Variants in RIC8B observed in about 807,000 individuals in gnomAD.
The protein encoded by RIC8B is RIC8 guanine nucleotide exchange factor B, also known as chaperone Ric-8B.
A neutral mutation model predicts 57.5 loss-of-function variants in RIC8B; 16 were observed. That is an observed-to-expected ratio of 0.28 (90% CI 0.19 to 0.42). RIC8B has a LOEUF of 0.42. Ranked by LOEUF, RIC8B falls within the 10% of genes least tolerant of loss-of-function variation. The probability of loss-of-function intolerance (pLI) is 1.00; values close to 1 mark genes in which losing one functional copy is unlikely to be tolerated. For synonymous variants in RIC8B, 216 were observed against 250.8 expected (o/e 0.86, Z 1.31); for missense variants, 481 against 677.0 (o/e 0.71, Z 3.21).
In RIC8B at chr12:106,832,069, G is replaced by C. The variant is rs577717827; in HGVS notation, c.836+6249G>C. ...GAATCCTTTTCCCAGATCTTTAAGA[G>C]GCTGAGTCCTTCTTGACACTGAGAA... On this transcript the variant is annotated intron_variant, in intron 4 of 9. Transcript: ENST00000392837. 4.1e-4 allele frequency among the ~76,000 whole-genome samples: 63 copies of C among 152,132 alleles called. 1 individual carries two copies. The highest frequency in any genetic ancestry group is 3.2e-4 in the Non-Finnish European group (22 of 68,016).
At chr12:106,846,192 C>T (rs975258373) in intron 6 of RIC8B, among the ~76,000 whole-genome samples, 3 of 152,198 alleles carry the variant, frequency 2.0e-5, no homozygotes, top group Non-Finnish European at 2.9e-5. Flanking sequence ...TCATCTCCTC[C>T]TCTTGGATGT....
chr12:106,781,839 T>C (rs1246529700), intron 1 of RIC8B, among the ~76,000 whole-genome samples: 1 of 152,172 alleles, frequency 6.6e-6, no homozygotes, highest in Non-Finnish European at 1.5e-5. Flanking sequence ...AAAAATAGGC[T>C]TTCTTGGTTT....
chr12:106,870,015 G>T (rs916064066), intron 8 of RIC8B, among the ~76,000 whole-genome samples: 4 of 150,022 alleles, frequency 2.7e-5, no homozygotes, highest in African/African-American at 9.8e-5. Context: ...TGCTTCTCCA[G>T]AAAAATGTTT....
intron 2 of RIC8B, among the ~76,000 whole-genome samples, chr12:106,794,356 G>A (rs2044382389): frequency 1.3e-5 from 2 of 152,126 alleles, no homozygotes; most frequent in South Asian, 4.1e-4. Context: ...GGGAATACCA[G>A]AAGGAGAGGA....
chr12:106,819,332 G>A (rs2045731461), intron 3 of RIC8B, among the ~76,000 whole-genome samples: 1 of 152,080 alleles, frequency 6.6e-6, no homozygotes, highest in African/African-American at 2.4e-5. Context: ...TTAAATATAG[G>A]TTGTAATTAA....
At chr12:106,885,645 C>T (rs1407755053) in intron 9 of RIC8B, among the ~76,000 whole-genome samples, 1 of 151,632 alleles carries the variant, frequency 6.6e-6, no homozygotes, top group African/African-American at 2.4e-5. Flanking sequence ...CCCATTTAGA[C>T]CTTGACTTTT....
intron 3 of RIC8B, among the ~76,000 whole-genome samples, chr12:106,815,972 C>T (rs1455263873): frequency 6.6e-6 from 1 of 152,058 alleles, no homozygotes; most frequent in Non-Finnish European, 1.5e-5. Flanking sequence ...CTTCAGCAAC[C>T]CAAAGTGACG....
In RIC8B at chr12:106,867,588, C is replaced by T. The variant is rs1419412887; in HGVS notation, c.1452-3235C>T. Among the ~76,000 whole-genome samples the T allele has an allele frequency of 6.6e-6, 1 of 152,136 alleles. No individual in the cohort carries two copies. Among genetic ancestry groups the T allele is most frequent in the Admixed American group, 6.6e-5 (1 of 15,262 alleles). ...GGTTGAAAGGTGTCAGGTATTTGTT[C>T]CACCAAAAGTAATCTATTTTATGAA... On this transcript the variant is annotated intron_variant, in intron 8 of 9. Coordinates refer to ENST00000392837, the MANE Select transcript of RIC8B (RefSeq NM_001330145.2). This position sits in a 1 kb window ranked among gnomAD's most constrained non-coding sequence, Gnocchi z 4.3.
chr12:106,774,921 G>T, intron 1 of RIC8B, 92 bp downstream of exon 1: 1 of 955,110 alleles, frequency 1.0e-6, no homozygotes, highest in Non-Finnish European at 1.6e-6. Flanking sequence ...CCCTCATTCC[G>T]GGGATGCGCA....
intron 2 of RIC8B, among the ~76,000 whole-genome samples, chr12:106,810,461 C>T (rs139842075): frequency 1.4e-3 from 216 of 152,258 alleles, no homozygotes; most frequent in African/African-American, 4.9e-3. Context: ...AGAAAACTGA[C>T]AGGACGGATG....
rs1323007186 is a variant in RIC8B, at chr12:106,885,992, G to A, written c.1660G>A (p.Glu554Lys). ...EALNQYSVIE[E>K]TSSDTD is the part of the protein sequence containing the mutation. ...ACTCAACCAGTACTCTGTCATCGAA[G>A]AGACCAGCTCTGACACAGACTAAAA... The change falls in exon 10 of 10, where the codon GAG becomes AAG. Residue 554 changes from glutamate (E) to lysine (K), a missense_variant. By Grantham distance (56) the Glu-to-Lys change is moderately conservative. Coordinates refer to ENST00000392837, the MANE Select transcript of RIC8B (RefSeq NM_001330145.2). The A allele has an allele frequency of 4.3e-6, 7 of 1,613,160 alleles. 1 individual carries two copies. Among genetic ancestry groups the A allele is most frequent in the African/African-American group, 1.3e-5 (1 of 74,862 alleles).
intron 2 of RIC8B, among the ~76,000 whole-genome samples, chr12:106,792,178 T>A (rs1261838613): frequency 6.6e-6 from 1 of 152,244 alleles, no homozygotes; most frequent in Non-Finnish European, 1.5e-5. Flanking sequence ...AGCTGGAATC[T>A]GACACAAGAC....
At chr12:106,855,185 T>G (rs1041743591) in intron 7 of RIC8B, among the ~76,000 whole-genome samples, 2 of 152,194 alleles carry the variant, frequency 1.3e-5, no homozygotes, top group Non-Finnish European at 2.9e-5. Flanking sequence ...TGAACTCCCT[T>G]AGCACATAGC....
chr12:106,807,998 T>A (rs781291113), intron 2 of RIC8B, among the ~76,000 whole-genome samples: 28 of 150,110 alleles, frequency 1.9e-4, no homozygotes, highest in Non-Finnish European at 2.8e-4. Context: ...GGCAGGAGAA[T>A]CGCTTGAACC....
At chr12:106,880,076 A>G in intron 9 of RIC8B, 1 of 418,480 alleles carries the variant, frequency 2.4e-6, no homozygotes, top group Non-Finnish European at 3.2e-6. Flanking sequence ...TAGGACCTTC[A>G]TAATTTAGGA....
rs71072695 is a variant in RIC8B at position 106,834,983 on chromosome 12, C to CAAAAA, written c.837-7584_837-7580dup. ...TGGGCGACAGAGCGAGACTCTGTCT[C>CAAAAA]AAAAAAAAAAAAAAAAAAAAAAAAA... On this transcript the variant is annotated intron_variant, in intron 4 of 9. Transcript: ENST00000392837. Among the ~76,000 whole-genome samples, 33 of 31,304 alleles carry CAAAAA rather than the reference C, an allele frequency of 1.1e-3. 2 individuals are homozygous for CAAAAA. Among genetic ancestry groups the CAAAAA allele is most frequent in the East Asian group, 5.2e-3 (5 of 960 alleles). 20.5% of individuals were successfully genotyped at this position (31,304 alleles called of 152,430 possible).
At chr12:106,872,090 A>G (rs1295462993) in intron 9 of RIC8B, among the ~76,000 whole-genome samples, 3 of 152,192 alleles carry the variant, frequency 2.0e-5, no homozygotes, top group Non-Finnish European at 2.9e-5. Flanking sequence ...TTAAATTTTC[A>G]TCCTTTCTCA....
chr12:106,796,529 G>T (rs1055155328), intron 2 of RIC8B, among the ~76,000 whole-genome samples: 20 of 152,318 alleles, frequency 1.3e-4, no homozygotes, highest in African/African-American at 4.6e-4. Flanking sequence ...ACCTCTTGCT[G>T]TATACAAAAA....
chr12:106,825,750 A>G lies in RIC8B; in HGVS notation c.766A>G (p.Met256Val). ...GAGTGATTCTCATCAGTTCCGTGTA[A>G]TGGCAGCTGTCCTTCGTCATTGTTT... is the stretch of plus-strand genomic sequence containing the variant. ...KESDSHQFRV[M>V]AAVLRHCLLI... The change falls in exon 4 of 10, where the codon ATG becomes GTG. Residue 256 changes from methionine to valine, a missense_variant. Met to Val is a conservative substitution (Grantham distance 21). Coordinates refer to ENST00000392837, the MANE Select transcript of RIC8B (RefSeq NM_001330145.2). 6.2e-7 allele frequency: 1 copy of G among 1,613,756 alleles called. No homozygotes were observed. Among genetic ancestry groups the G allele is most frequent in the Non-Finnish European group, 8.5e-7 (1 of 1,179,716 alleles).
Sources: allele counts gnomAD v4.1 joint callset (sites outside exome capture counted in the v4.1 genomes callset), GRCh38; gene constraint gnomAD v4.1.1; non-coding constraint Gnocchi (gnomAD v3.1); transcripts MANE v1.5; gene names NCBI Gene and HGNC (gene_info 2026-07-23, HGNC 2026-07-21).